The following LRRFIP1 variants were observed in gnomAD, a reference collection of about 807,000 sequenced individuals.
LRRFIP1 encodes leucine-rich repeat flightless-interacting protein 1.
Under a neutral mutation model 104.4 loss-of-function variants are expected in LRRFIP1, and 62 were observed. That is an observed-to-expected ratio of 0.59 (90% CI 0.48 to 0.73). The LOEUF is 0.73. Ranked by LOEUF, LRRFIP1 falls within the 30% of genes least tolerant of loss-of-function variation. The probability of loss-of-function intolerance (pLI) is 0.00; values close to 1 mark genes in which losing one functional copy is unlikely to be tolerated. For missense variants in LRRFIP1, 796 were observed against 824.5 expected (o/e 0.97, Z 0.42); for synonymous variants, 300 against 299.0 (o/e 1.00, Z -0.03).
At chr2:237,662,896 C>A (rs1004859160) in intron 1 of LRRFIP1, among the ~76,000 whole-genome samples, 1 of 152,114 alleles carries the variant, frequency 6.6e-6, no homozygotes, top group South Asian at 2.1e-4. Flanking sequence ...CAGGCATTAC[C>A]GCTCCTTTCC....
chr2:237,643,103 T>A (rs994786469), intron 1 of LRRFIP1, among the ~76,000 whole-genome samples: 6 of 152,154 alleles, frequency 3.9e-5, no homozygotes, highest in African/African-American at 1.4e-4. Context: ...GTCAGAAAGG[T>A]TTAAAATAAA....
chr2:237,772,509 ATG>A (rs2060734228), intron 21 of LRRFIP1: 1 of 435,064 alleles, frequency 2.3e-6, no homozygotes, highest in Non-Finnish European at 4.1e-6. Flanking sequence ...AAAAAAAAAA[ATG>A]AAAGGCTTTT....
intron 8 of LRRFIP1, chr2:237,729,795 G>A (rs998242117): frequency 4.1e-6 from 4 of 985,280 alleles, no homozygotes; most frequent in East Asian, 1.1e-4. Flanking sequence ...CAGCTACAGC[G>A]GTGACAGCAG....
intron 1 of LRRFIP1, among the ~76,000 whole-genome samples, chr2:237,680,455 TG>T (rs2091683552): frequency 6.6e-6 from 1 of 152,222 alleles, no homozygotes; most frequent in Non-Finnish European, 1.5e-5. Context: ...GCATTTACAT[TG>T]TATTAGGTAT....
intron 1 of LRRFIP1, among the ~76,000 whole-genome samples, chr2:237,664,027 G>A (rs1236150105): frequency 4.6e-5 from 7 of 152,076 alleles, no homozygotes; most frequent in Non-Finnish European, 7.4e-5. Context: ...GCACTGGGAG[G>A]GAGGAGCAGG....
chr2:237,748,382 A>C lies in LRRFIP1; in HGVS notation c.652A>C (p.Lys218Gln). 6.2e-7 allele frequency: 1 copy of C among 1,605,788 alleles called. No individual in the cohort carries two copies. The highest frequency in any genetic ancestry group is 8.5e-7 in the Non-Finnish European group (1 of 1,177,374). Residue 218 changes from lysine (K) to glutamine (Q), a missense_variant, in exon 12 of 24, where the codon AAA (lysine) becomes CAA (glutamine). Transcript: ENST00000308482. ...TCTACAGGTAGAAGAGAGACCAGAA[A>C]AAGATTTTACTGAGAAGGTAAGGAA... ...ASPVVEERPE[K>Q]DFTEKGSRNM...
At chr2:237,755,143 G>A (rs778130959) in intron 15 of LRRFIP1, among the ~76,000 whole-genome samples, 7 of 152,208 alleles carry the variant, frequency 4.6e-5, no homozygotes, top group Admixed American at 2.0e-4. Context: ...GTCTCAGGCC[G>A]TCACCAGGGA....
rs563590485 is a variant in LRRFIP1, at chr2:237,766,474, G to A, written c.1460-3469G>A. 1.3e-4 allele frequency among the ~76,000 whole-genome samples: 20 copies of A among 152,230 alleles called. No individual in the cohort carries two copies. The highest frequency in any genetic ancestry group is 3.9e-4 in the African/African-American group (16 of 41,540). ...TCTTGGAAAGCAGTGTGACAACCAA[G>A]GTCACTAAATGGTGAGATCATCAAG... On this transcript the variant is annotated intron_variant, in intron 19 of 23. Coordinates refer to ENST00000308482, the MANE Select transcript of LRRFIP1 (RefSeq NM_001137550.2). The surrounding 1 kb of genome is among the most constrained non-coding windows in gnomAD (Gnocchi z 4.8).
chr2:237,737,366 CAA>C (rs1186895976), intron 10 of LRRFIP1, among the ~76,000 whole-genome samples: 25 of 152,198 alleles, frequency 1.6e-4, no homozygotes, highest in African/African-American at 6.0e-4. Flanking sequence ...ACGTGGCCAA[CAA>C]GAGATGGAGC....
At chr2:237,664,968 G>A (rs1288316263) in intron 1 of LRRFIP1, among the ~76,000 whole-genome samples, 10 of 152,132 alleles carry the variant, frequency 6.6e-5, no homozygotes, top group Non-Finnish European at 1.2e-4. Context: ...GGTTTTCTTT[G>A]GAAGCTAACA....
At chr2:237,737,706 T>G (rs909058769) in intron 10 of LRRFIP1, among the ~76,000 whole-genome samples, 1 of 152,204 alleles carries the variant, frequency 6.6e-6, no homozygotes, top group South Asian at 2.1e-4. Context: ...GTGTTGACAT[T>G]AAGTGTTTTC....
chr2:237,692,906 C>T (rs998312110), intron 1 of LRRFIP1, among the ~76,000 whole-genome samples: 19 of 152,340 alleles, frequency 1.2e-4, no homozygotes, highest in Non-Finnish European at 2.2e-4. Context: ...AGAGCCGGTG[C>T]CCTCACCCGC....
rs1231126986 is a variant in LRRFIP1, at chr2:237,781,288, G to C, written c.*1756G>C. Reference sequence around the variant, plus strand: ...ACGCTTTTAGGTATTTTTCACTCATGCAATTTTCACATATTTTCACTCATT... The same window carrying C: ...ACGCTTTTAGGTATTTTTCACTCATCCAATTTTCACATATTTTCACTCATT... On this transcript the variant is annotated 3_prime_UTR_variant, in exon 24 of 24. Transcript: ENST00000308482. Among the ~76,000 whole-genome samples the C allele has an allele frequency of 1.3e-5, 2 of 152,220 alleles. No individual in the cohort carries two copies. Among genetic ancestry groups the C allele is most frequent in the Non-Finnish European group, 2.9e-5 (2 of 68,040 alleles).
chr2:237,772,282 G>A, intron 21 of LRRFIP1, 84 bp downstream of exon 21: 1 of 1,041,694 alleles, frequency 9.6e-7, no homozygotes, highest in Admixed American at 1.9e-5. Context: ...AACTGTCACG[G>A]CAAAGAATGC....
chr2:237,778,890 C>T (rs2061313606), intron 23 of LRRFIP1, among the ~76,000 whole-genome samples: 1 of 148,952 alleles, frequency 6.7e-6, no homozygotes, highest in South Asian at 2.1e-4. Flanking sequence ...ATACTCTGGC[C>T]TGGGTGACAG....
intron 1 of LRRFIP1, among the ~76,000 whole-genome samples, chr2:237,659,079 GTTA>G (rs34319083): frequency 0.35 from 52,345 of 151,002 alleles, 9,342 homozygotes; most frequent in South Asian, 0.46. Flanking sequence ...GAAAAGATAA[GTTA>G]TTATTATTAT....
intron 19 of LRRFIP1, among the ~76,000 whole-genome samples, chr2:237,761,384 C>T (rs567341931): frequency 5.6e-4 from 86 of 152,316 alleles, no homozygotes; most frequent in Non-Finnish European, 8.8e-4. Context: ...TATCTATATA[C>T]CGTTGTTGAG....
intron 11 of LRRFIP1, among the ~76,000 whole-genome samples, chr2:237,742,319 G>A (rs1475689497): frequency 1.3e-5 from 2 of 152,168 alleles, no homozygotes; most frequent in Admixed American, 6.5e-5. Flanking sequence ...TGGTTGGCAC[G>A]CTTAGGGAAC....
chr2:237,709,725 G>C (rs1053786061), intron 2 of LRRFIP1, among the ~76,000 whole-genome samples: 1 of 152,178 alleles, frequency 6.6e-6, no homozygotes, highest in Non-Finnish European at 1.5e-5. Context: ...TGCATGCAGA[G>C]GCTAGGCAGT....
Sources: gnomAD v4.1 joint callset for allele counts (sites outside exome capture counted in the v4.1 genomes callset) on GRCh38, gnomAD v4.1.1 for gene constraint, Gnocchi (gnomAD v3.1) non-coding constraint, MANE v1.5 for transcripts, NCBI Gene and HGNC (gene_info 2026-07-23, HGNC 2026-07-21) for gene names.